Variants in SVEP1 observed in about 807,000 individuals in gnomAD.
SVEP1 encodes the protein sushi, von Willebrand factor type A, EGF and pentraxin domain-containing protein 1.
Under a neutral mutation model 367.3 loss-of-function variants are expected in SVEP1, and 164 were observed. That is an observed-to-expected ratio of 0.45 (90% CI 0.39 to 0.51). The LOEUF (loss-of-function observed/expected upper bound fraction) is 0.51, where lower values mean the gene tolerates loss of function less well. SVEP1 is among the 20% of genes least tolerant of loss of function. The pLI is 0.00. For synonymous variants in SVEP1, 1,666 were observed against 1,611.6 expected (o/e 1.03, Z -0.81); for missense variants, 4,117 against 4,425.3 (o/e 0.93, Z 1.98).
rs551434510 is a variant in SVEP1, at chr9:110,492,343, T to C, written c.1801-2564A>G. ...ACTATATTAATTAATCTATAATAAA[T>C]TAGAATAAGAATCCCAGATTATATC... On this transcript the variant is annotated intron_variant, in intron 8 of 47. Transcript: ENST00000374469. 3.1e-4 allele frequency among the ~76,000 whole-genome samples: 47 copies of C among 152,144 alleles called. No individual in the cohort carries two copies. In the South Asian group the frequency reaches 6.8e-3, roughly 22 times the overall value.
At chr9:110,424,784 C>T (rs1204646312) in intron 36 of SVEP1, among the ~76,000 whole-genome samples, 1 of 152,208 alleles carries the variant, frequency 6.6e-6, no homozygotes, top group Admixed American at 6.5e-5. Flanking sequence ...AAGCAAGTCT[C>T]CCGCCTCAGC....
intron 3 of SVEP1, among the ~76,000 whole-genome samples, chr9:110,524,727 T>C (rs1414720903): frequency 6.6e-6 from 1 of 151,902 alleles, no homozygotes; most frequent in Non-Finnish European, 1.5e-5. Flanking sequence ...CTTTTTTTTT[T>C]TTTAAGCAGG....
rs544521043 is a variant in SVEP1 at position 110,430,393 on chromosome 9, A to T, written c.5411T>A (p.Ile1804Asn). 49 of 1,613,282 alleles carry T rather than the reference A, an allele frequency of 3.0e-5. No homozygotes were observed. In the East Asian group the frequency reaches 4.9e-4, roughly 16 times the overall value. Residue 1804 changes from isoleucine (I) to asparagine (N), a missense_variant, in exon 33 of 48, where the codon ATT (isoleucine) becomes AAT (asparagine). Around this residue, in one of 4 missense-constraint regions of SVEP1, gnomAD observed 2,174 missense variants for 2,494.3 expected, o/e 0.87. Coordinates refer to ENST00000374469, the MANE Select transcript of SVEP1 (RefSeq NM_153366.4). ...NPENGHSSGE[I>N]YTVGAEVTFS... ...TGTGACTTCGGCACCTACTGTATAA[A>T]TCTCACCTGAGGAGTGGCCATTTTC...
intron 5 of SVEP1, among the ~76,000 whole-genome samples, chr9:110,506,728 A>G (rs1349610738): frequency 6.6e-6 from 1 of 152,078 alleles, no homozygotes; most frequent in East Asian, 1.9e-4. Flanking sequence ...ACTCTCTCCA[A>G]TCAGGGTTTC....
At chr9:110,517,622 A>C (rs930064070) in intron 3 of SVEP1, among the ~76,000 whole-genome samples, 1 of 151,454 alleles carries the variant, frequency 6.6e-6, no homozygotes, top group Non-Finnish European at 1.5e-5. Flanking sequence ...AAATGTAAAA[A>C]ATTAGGTGAG....
intron 3 of SVEP1, among the ~76,000 whole-genome samples, chr9:110,543,717 G>A (rs1016502602): frequency 5.3e-5 from 8 of 152,270 alleles, no homozygotes; most frequent in African/African-American, 1.7e-4. Flanking sequence ...AGGACCACAC[G>A]GAAAGCAGAC....
At chr9:110,541,902 T>TATATATCTATATACATAGATATCTAC (rs1484021242) in intron 3 of SVEP1, among the ~76,000 whole-genome samples, 9 of 147,344 alleles carry the variant, frequency 6.1e-5, no homozygotes, top group South Asian at 2.1e-4. Flanking sequence ...TAGATATCTA[T>TATATATCTATATACATAGATATCTAC]ATATATCTAT....
At chr9:110,539,934 C>T (rs1377242341) in intron 3 of SVEP1, among the ~76,000 whole-genome samples, 2 of 152,058 alleles carry the variant, frequency 1.3e-5, no homozygotes, top group Non-Finnish European at 2.9e-5. Context: ...AACTCGAGCT[C>T]ATATCCCAGC....
chr9:110,465,587 C>T (rs1431099717), intron 18 of SVEP1, among the ~76,000 whole-genome samples: 2 of 152,146 alleles, frequency 1.3e-5, no homozygotes, highest in African/African-American at 2.4e-5. Context: ...TACCATATCA[C>T]GAAGCCACAT....
intron 5 of SVEP1, among the ~76,000 whole-genome samples, chr9:110,505,967 T>G (rs1829620581): frequency 6.6e-6 from 1 of 152,094 alleles, no homozygotes; most frequent in Admixed American, 6.6e-5. Context: ...ATCCCTCCCC[T>G]AGTCCCCAAC....
chr9:110,376,799 G>A (rs1395322201), intron 45 of SVEP1: 1 of 152,422 alleles, frequency 6.6e-6, no homozygotes, highest in African/African-American at 2.4e-5. Flanking sequence ...ACCAAGTATG[G>A]ATATAGGAGT....
Position 110,366,285 on chromosome 9 carries a change from G to T in SVEP1, c.*254C>A. The stretch of plus-strand genomic sequence containing the variant: ...CAGCAGAATATGTACATTTTGTGAG[G>T]GTAGAGCAGCATCTATTTAATATAA... On this transcript the variant is annotated 3_prime_UTR_variant, in exon 48 of 48. Coordinates refer to ENST00000374469, the MANE Select transcript of SVEP1 (RefSeq NM_153366.4). The T allele has an allele frequency of 3.3e-6, 1 of 300,040 alleles. No individual in the cohort carries two copies. The highest frequency in any genetic ancestry group is 1.0e-4 in the East Asian group (1 of 10,036). 18.6% of individuals were successfully genotyped at this position (300,040 alleles called of 1,614,324 possible).
At chr9:110,437,481 C>A (rs913839141) in intron 27 of SVEP1, among the ~76,000 whole-genome samples, 4 of 152,170 alleles carry the variant, frequency 2.6e-5, no homozygotes, top group African/African-American at 9.7e-5. Context: ...CTGTTTCCTG[C>A]CAGGAGCCTG....
intron 46 of SVEP1, among the ~76,000 whole-genome samples, chr9:110,375,037 T>A (rs1377219068): frequency 6.6e-6 from 1 of 151,974 alleles, no homozygotes; most frequent in African/African-American, 2.4e-5. Flanking sequence ...AATTTAGTAA[T>A]TTAGCTTCTT....
chr9:110,474,860 G>A (rs1829075159), intron 14 of SVEP1, among the ~76,000 whole-genome samples: 1 of 151,996 alleles, frequency 6.6e-6, no homozygotes, highest in African/African-American at 2.4e-5. Context: ...CTGTACTGAA[G>A]TAGGATATTT....
At chr9:110,556,267 A>G (rs1276666159) in intron 1 of SVEP1, among the ~76,000 whole-genome samples, 1 of 151,866 alleles carries the variant, frequency 6.6e-6, no homozygotes, top group African/African-American at 2.4e-5. Flanking sequence ...CGGCACCCCC[A>G]CTCCATGTCA....
chr9:110,516,451 CATG>C (rs1829805457), intron 3 of SVEP1, among the ~76,000 whole-genome samples: 1 of 151,778 alleles, frequency 6.6e-6, no homozygotes, highest in Non-Finnish European at 1.5e-5. Context: ...TGATATAAGA[CATG>C]ATAAATAATT....
intron 43 of SVEP1, among the ~76,000 whole-genome samples, chr9:110,384,881 C>T (rs887740243): frequency 1.3e-5 from 2 of 152,206 alleles, no homozygotes; most frequent in African/African-American, 4.8e-5. Context: ...TGCCTTGCCT[C>T]TGGTCGGACT....
chr9:110,403,646 A>T (rs1001857157), intron 39 of SVEP1, among the ~76,000 whole-genome samples: 12 of 152,018 alleles, frequency 7.9e-5, no homozygotes. Flanking sequence ...TAGGTAAAAA[A>T]AATGTGAAAA....
Sources: gnomAD v4.1 joint callset for allele counts (sites outside exome capture counted in the v4.1 genomes callset) on GRCh38, gnomAD v4.1.1 for gene constraint, gnomAD v4.1.1 regional missense constraint, MANE v1.5 for transcripts, NCBI Gene and HGNC (gene_info 2026-07-23, HGNC 2026-07-21) for gene names.